The following LHFPL3 variants were observed in gnomAD, a reference collection of about 807,000 sequenced individuals.
LHFPL3 encodes LHFPL tetraspan subfamily member 3 protein.
In LHFPL3, 5 loss-of-function variants were observed where a neutral mutation model predicts 19.3. That is an observed-to-expected ratio of 0.26 (90% CI 0.14 to 0.54). The LOEUF is 0.54. Ranked by LOEUF, LHFPL3 falls within the 20% of genes least tolerant of loss-of-function variation. LHFPL3 has a pLI of 0.94. For synonymous variants in LHFPL3, 133 were observed against 126.2 expected (o/e 1.05, Z -0.36); for missense variants, 249 against 307.4 (o/e 0.81, Z 1.42).
intron 1 of LHFPL3, among the ~76,000 whole-genome samples, chr7:104,339,451 CAG>C (rs770286024): frequency 2.0e-5 from 3 of 152,116 alleles, no homozygotes; most frequent in East Asian, 1.9e-4. Flanking sequence ...GAGCCAAAAT[CAG>C]ACTCTTTCCC....
intron 1 of LHFPL3, among the ~76,000 whole-genome samples, chr7:104,405,874 A>G (rs1791403327): frequency 6.6e-6 from 1 of 152,174 alleles, no homozygotes; most frequent in Admixed American, 6.5e-5. Context: ...ATTCCCTTTA[A>G]TCCTCCTAAG....
intron 1 of LHFPL3, among the ~76,000 whole-genome samples, chr7:104,588,749 G>C (rs899949465): frequency 1.2e-4 from 18 of 152,196 alleles, no homozygotes; most frequent in African/African-American, 4.1e-4. Context: ...CTATCCACGA[G>C]TATGGAATGT....
At chr7:104,357,701 G>C (rs1220619897) in intron 1 of LHFPL3, among the ~76,000 whole-genome samples, 1 of 152,144 alleles carries the variant, frequency 6.6e-6, no homozygotes, top group Non-Finnish European at 1.5e-5. Context: ...AGGAAGGGCA[G>C]ACTGGAACAC....
chr7:104,512,272 A>G (rs1357754258), intron 1 of LHFPL3, among the ~76,000 whole-genome samples: 1 of 151,818 alleles, frequency 6.6e-6, no homozygotes, highest in Non-Finnish European at 1.5e-5. Context: ...TGATTTCTTT[A>G]TAGAGTATTT....
At chr7:104,851,526 A>G (rs1791414488) in intron 2 of LHFPL3, among the ~76,000 whole-genome samples, 1 of 152,204 alleles carries the variant, frequency 6.6e-6, no homozygotes, top group Non-Finnish European at 1.5e-5. Context: ...TTATGAGTAT[A>G]CTTGGCTTAT....
intron 1 of LHFPL3, among the ~76,000 whole-genome samples, chr7:104,701,179 GTCA>G (rs1359600427): frequency 2.6e-5 from 4 of 152,230 alleles, no homozygotes; most frequent in South Asian, 2.1e-4. Context: ...TTGCTGTATT[GTCA>G]TCAAGCATCT....
At chr7:104,690,647 C>A (rs766311822) in intron 1 of LHFPL3, among the ~76,000 whole-genome samples, 56 of 152,182 alleles carry the variant, frequency 3.7e-4, no homozygotes, top group Non-Finnish European at 7.5e-4. Context: ...TGGCATGGGG[C>A]CTGTCAAGGT....
At chr7:104,758,232 C>T (rs1267449911) in intron 2 of LHFPL3, among the ~76,000 whole-genome samples, 1 of 152,152 alleles carries the variant, frequency 6.6e-6, no homozygotes, top group African/African-American at 2.4e-5. Flanking sequence ...TGAAAAACTA[C>T]TTATTGGGTA....
chr7:104,803,024 T>C (rs1790285910), intron 2 of LHFPL3: 1 of 152,276 alleles, frequency 6.6e-6, no homozygotes, highest in Non-Finnish European at 1.5e-5. Context: ...CCTAATCTAC[T>C]CCTGCTCTAA....
At chr7:104,893,141 G>A (rs1792285548) in intron 2 of LHFPL3, among the ~76,000 whole-genome samples, 1 of 151,910 alleles carries the variant, frequency 6.6e-6, no homozygotes, top group Non-Finnish European at 1.5e-5. Context: ...TTGAGCCCAA[G>A]AGTTCGAGGT....
intron 1 of LHFPL3, among the ~76,000 whole-genome samples, chr7:104,656,212 G>T (rs893422060): frequency 1.3e-5 from 2 of 150,068 alleles, no homozygotes; most frequent in Non-Finnish European, 3.0e-5. Context: ...GGTAATTAGG[G>T]ATTACAGATG....
At chr7:104,690,125 A>G (rs1792881327) in intron 1 of LHFPL3, among the ~76,000 whole-genome samples, 1 of 152,246 alleles carries the variant, frequency 6.6e-6, no homozygotes, top group Non-Finnish European at 1.5e-5. Flanking sequence ...TCCCCATTCA[A>G]CTCTCCTATT....
rs75656710 is a variant in LHFPL3 at position 104,617,572 on chromosome 7, C to T, written c.446-119103C>T. ...CAAAGAGGAAAATCTAATCAATAAC[C>T]TTCTGTGTTTTTCCTAGACGCTTTC... On this transcript the variant is annotated intron_variant, in intron 1 of 2. Coordinates refer to ENST00000424859, the MANE Select transcript of LHFPL3 (RefSeq NM_199000.3). Among the ~76,000 whole-genome samples, 477 of 152,234 alleles carry T rather than the reference C, an allele frequency of 3.1e-3. 3 individuals carry two copies. The highest frequency in any genetic ancestry group is 0.011 in the African/African-American group (458 of 41,560).
chr7:104,600,878 A>C (rs890354719), intron 1 of LHFPL3, among the ~76,000 whole-genome samples: 2 of 152,196 alleles, frequency 1.3e-5, no homozygotes, highest in Non-Finnish European at 2.9e-5. Flanking sequence ...AGGGGTATTG[A>C]CTGACTGCTT....
chr7:104,572,082 A>G (rs2115991957), intron 1 of LHFPL3, among the ~76,000 whole-genome samples: 1 of 152,334 alleles, frequency 6.6e-6, no homozygotes, highest in African/African-American at 2.4e-5. Flanking sequence ...TCTTTTCAAA[A>G]GATATATCAC....
intron 1 of LHFPL3, among the ~76,000 whole-genome samples, chr7:104,430,632 C>T (rs1048410824): frequency 4.0e-5 from 6 of 149,558 alleles, no homozygotes; most frequent in Non-Finnish European, 8.9e-5. Flanking sequence ...CAATGCCTGG[C>T]TAATCTTTTG....
intron 2 of LHFPL3, among the ~76,000 whole-genome samples, chr7:104,866,584 T>C (rs919908743): frequency 6.6e-6 from 1 of 152,158 alleles, no homozygotes; most frequent in African/African-American, 2.4e-5. Context: ...AGCAAGTCCT[T>C]AGACACCTAC....
At chr7:104,640,566 G>A (rs1406121800) in intron 1 of LHFPL3, among the ~76,000 whole-genome samples, 1 of 152,068 alleles carries the variant, frequency 6.6e-6, no homozygotes, top group African/African-American at 2.4e-5. Flanking sequence ...ATTATAAATA[G>A]TGCTGCAGTA....
intron 1 of LHFPL3, among the ~76,000 whole-genome samples, chr7:104,563,011 G>C (rs1381125045): frequency 1.2e-4 from 19 of 152,332 alleles, no homozygotes; most frequent in Admixed American, 9.8e-4. Flanking sequence ...AGGGGTCAGG[G>C]ACCCACTTGA....
Sources: allele counts gnomAD v4.1 joint callset (sites outside exome capture counted in the v4.1 genomes callset), GRCh38; gene constraint gnomAD v4.1.1; transcripts MANE v1.5; gene names NCBI Gene and HGNC (gene_info 2026-07-23, HGNC 2026-07-21).